The following USP32 variants were observed in gnomAD, a reference collection of about 807,000 sequenced individuals.
USP32 encodes the protein ubiquitin carboxyl-terminal hydrolase 32.
A neutral mutation model predicts 204.8 loss-of-function variants in USP32; 59 were observed. The observed-to-expected ratio is 0.29, with a 90% CI of 0.23 to 0.36. The LOEUF is 0.36. USP32 is among the 10% of genes least tolerant of loss of function. The pLI, the probability that USP32 is intolerant of heterozygous loss-of-function variation, is 1.00. For synonymous variants in USP32, 517 were observed against 678.4 expected (o/e 0.76, Z 3.70); for missense variants, 1,160 against 1,946.4 (o/e 0.60, Z 7.60).
At chr17:60,370,955 T>C (rs1158949880) in intron 1 of USP32, among the ~76,000 whole-genome samples, 2 of 151,622 alleles carry the variant, frequency 1.3e-5, no homozygotes, top group Non-Finnish European at 2.9e-5. Context: ...TAGCAAGGCA[T>C]GGTGGCTCAT....
At chr17:60,286,022 G>A (rs1008223034) in intron 5 of USP32, among the ~76,000 whole-genome samples, 2 of 151,812 alleles carry the variant, frequency 1.3e-5, no homozygotes, top group Non-Finnish European at 2.9e-5. Flanking sequence ...TGTAATCACA[G>A]CTACTTGGGA....
intron 1 of USP32, among the ~76,000 whole-genome samples, chr17:60,420,891 T>C (rs894341234): frequency 4.6e-5 from 7 of 152,194 alleles, no homozygotes; most frequent in African/African-American, 7.2e-5. Flanking sequence ...AATAGATATA[T>C]AGTGACATAT....
intron 10 of USP32, among the ~76,000 whole-genome samples, chr17:60,254,864 C>A (rs1204118845): frequency 6.6e-6 from 1 of 151,930 alleles, no homozygotes; most frequent in East Asian, 1.9e-4. Flanking sequence ...TACAAGGAAG[C>A]CCTTTTAAAA....
At chr17:60,216,774 G>C (rs2085115037) in intron 16 of USP32, among the ~76,000 whole-genome samples, 2 of 152,064 alleles carry the variant, frequency 1.3e-5, no homozygotes, top group Non-Finnish European at 2.9e-5. Flanking sequence ...TGTTATGGCA[G>C]AACAAAACCC....
intron 1 of USP32, among the ~76,000 whole-genome samples, chr17:60,349,607 ATATATATATATATATATT>A (rs2088885206): frequency 1.6e-4 from 11 of 70,394 alleles, no homozygotes; most frequent in African/African-American, 3.4e-4. Flanking sequence ...ATATATATAT[ATATATATATATATATATT>A]ATATATATAT....
intron 16 of USP32, among the ~76,000 whole-genome samples, chr17:60,218,018 T>G (rs532770176): frequency 1.3e-5 from 2 of 152,284 alleles, no homozygotes; most frequent in South Asian, 4.1e-4. Context: ...ATTACAGGCA[T>G]CAGCCACCAT....
intron 2 of USP32, among the ~76,000 whole-genome samples, chr17:60,306,564 G>A (rs558905702): frequency 9.9e-5 from 15 of 151,992 alleles, no homozygotes; most frequent in Non-Finnish European, 1.9e-4. Context: ...CTTGAACCCG[G>A]AAGGCAGAGG....
intron 15 of USP32, among the ~76,000 whole-genome samples, chr17:60,220,196 T>C (rs1165439986): frequency 1.3e-5 from 2 of 152,100 alleles, no homozygotes; most frequent in African/African-American, 4.8e-5. Context: ...ACTATGGAAG[T>C]ATTCATTAGC....
chr17:60,336,919 C>A (rs1194489682), intron 2 of USP32, among the ~76,000 whole-genome samples: 1 of 151,902 alleles, frequency 6.6e-6, no homozygotes, highest in African/African-American at 2.4e-5. Context: ...CAAGATATAC[C>A]GTAACAAAAA....
chr17:60,301,316 C>A (rs2087567649), intron 3 of USP32: 1 of 215,124 alleles, frequency 4.6e-6, no homozygotes, highest in African/African-American at 2.3e-5. Context: ...CTCCCATCAG[C>A]AATGTATGAT....
rs546762414 is a variant in USP32, at chr17:60,347,602, C to T, written c.59-1994G>A. 8.6e-5 allele frequency among the ~76,000 whole-genome samples: 13 copies of T among 151,616 alleles called. No individual in the cohort carries two copies. The East Asian group carries it at 2.6e-3, about 30-fold the overall frequency. ...TCTCCTAACCTCGTGATCCACCCGC[C>T]TCAGCCTCCCAAAGTGCTGGGATTA... On this transcript the variant is annotated intron_variant, in intron 1 of 33. Coordinates refer to ENST00000300896, the MANE Select transcript of USP32 (RefSeq NM_032582.4).
intron 5 of USP32, among the ~76,000 whole-genome samples, chr17:60,283,439 TA>T (rs1180194788): frequency 6.6e-6 from 1 of 152,180 alleles, no homozygotes; most frequent in African/African-American, 2.4e-5. Context: ...AAAATACATT[TA>T]AAAAATTGTC....
intron 1 of USP32, among the ~76,000 whole-genome samples, chr17:60,404,662 C>T (rs990684041): frequency 5.3e-5 from 8 of 152,302 alleles, no homozygotes; most frequent in African/African-American, 1.9e-4. Context: ...TAGAAGAGTG[C>T]ACCTCAGCCT....
At chr17:60,345,665 T>C in intron 1 of USP32, 57 bp from the exon 2 acceptor site, 1 of 1,609,820 alleles carries the variant, frequency 6.2e-7, no homozygotes, top group Non-Finnish European at 8.5e-7. Context: ...AGGTGTCTCA[T>C]AATTTTTTTC....
At chr17:60,226,601 A>C (rs1258687004) in intron 12 of USP32, among the ~76,000 whole-genome samples, 1 of 152,304 alleles carries the variant, frequency 6.6e-6, no homozygotes, top group East Asian at 1.9e-4. Flanking sequence ...TAAAGATTAC[A>C]TGGTCAATGT....
chr17:60,266,655 ATT>A (rs34028475), intron 7 of USP32, among the ~76,000 whole-genome samples: 30 of 97,592 alleles, frequency 3.1e-4, no homozygotes, highest in Non-Finnish European at 3.8e-4. Flanking sequence ...CACCCAGGTA[ATT>A]TTTTTTTTTT....
intron 1 of USP32, among the ~76,000 whole-genome samples, chr17:60,378,932 A>T (rs1380482732): frequency 6.6e-6 from 1 of 152,108 alleles, no homozygotes; most frequent in African/African-American, 2.4e-5. Flanking sequence ...CTATATATAT[A>T]TATATTCACA....
At chr17:60,368,705 T>A (rs989020680) in intron 1 of USP32, among the ~76,000 whole-genome samples, 3 of 152,140 alleles carry the variant, frequency 2.0e-5, no homozygotes, top group Non-Finnish European at 4.4e-5. Context: ...CTGCACATAG[T>A]AAGCACTTCA....
intron 28 of USP32, 149 bp from the exon 29 acceptor site, chr17:60,190,832 AT>A: frequency 8.9e-7 from 1 of 1,120,002 alleles, no homozygotes; most frequent in Non-Finnish European, 1.2e-6. Context: ...ACTCTGATAA[AT>A]GTAGGGATAC....
Sources: allele counts gnomAD v4.1 joint callset (sites outside exome capture counted in the v4.1 genomes callset), GRCh38; gene constraint gnomAD v4.1.1; transcripts MANE v1.5; gene names NCBI Gene and HGNC (gene_info 2026-07-23, HGNC 2026-07-21).